The following LRRC4C variants were observed in gnomAD, a reference collection of about 807,000 sequenced individuals.
The protein encoded by LRRC4C is leucine-rich repeat-containing protein 4C.
A neutral mutation model predicts 33.6 loss-of-function variants in LRRC4C; 5 were observed. That is an observed-to-expected ratio of 0.15 (90% CI 0.08 to 0.31). LRRC4C has a LOEUF of 0.31. Among genes scored for constraint, LRRC4C ranks in the 10% least tolerant of loss-of-function variants. The probability of loss-of-function intolerance (pLI) is 1.00; values close to 1 mark genes in which losing one functional copy is unlikely to be tolerated. For synonymous variants in LRRC4C, 329 were observed against 302.0 expected, an observed-to-expected ratio of 1.09 and a Z score of -0.93; for missense variants, 560 against 796.7, an observed-to-expected ratio of 0.70 and a Z score of 3.58.
At chr11:40,546,454 A>C (rs1055669286) in intron 3 of LRRC4C, among the ~76,000 whole-genome samples, 1 of 152,094 alleles carries the variant, frequency 6.6e-6, no homozygotes, top group African/African-American at 2.4e-5. Flanking sequence ...CATTGGGATC[A>C]ATTTTACATG....
rs945379016 is a variant in LRRC4C at position 41,143,759 on chromosome 11, T to G, written c.-495-210036A>C. On this transcript the variant is annotated intron_variant, in intron 1 of 6. Transcript: ENST00000528697. ...TTTGGGGGCATGGGGCCATCATAAT[T>G]CCTTAAAAACTTTCCAAGTGTTTCA... Among the ~76,000 whole-genome samples, 4 of 152,128 alleles carry G rather than the reference T, an allele frequency of 2.6e-5. No homozygotes were observed. The East Asian group carries it at 7.7e-4, about 29-fold the overall frequency.
At chr11:41,290,707 C>T (rs1226843062) in intron 1 of LRRC4C, among the ~76,000 whole-genome samples, 16 of 152,106 alleles carry the variant, frequency 1.1e-4, no homozygotes, top group Admixed American at 1.0e-3. Flanking sequence ...CCTCATTCTA[C>T]CCTATTAGAT....
intron 2 of LRRC4C, among the ~76,000 whole-genome samples, chr11:40,831,064 A>G (rs1045369872): frequency 3.9e-5 from 6 of 152,158 alleles, no homozygotes; most frequent in African/African-American, 1.4e-4. Context: ...GAGGTCAGAT[A>G]TCACACAGTA....
chr11:40,978,154 G>A (rs993416720), intron 1 of LRRC4C, among the ~76,000 whole-genome samples: 2 of 152,006 alleles, frequency 1.3e-5, no homozygotes, highest in African/African-American at 4.8e-5. Context: ...TAGGCTCTCC[G>A]TTGATCTTCC....
At chr11:40,891,646 A>G (rs185415855) in intron 2 of LRRC4C, among the ~76,000 whole-genome samples, 1 of 152,340 alleles carries the variant, frequency 6.6e-6, no homozygotes, top group Non-Finnish European at 1.5e-5. Context: ...ACAGATATAT[A>G]AAAATGTGCT....
intron 2 of LRRC4C, among the ~76,000 whole-genome samples, chr11:40,926,000 T>C (rs190114852): frequency 6.6e-6 from 1 of 152,188 alleles, no homozygotes; most frequent in Non-Finnish European, 1.5e-5. Flanking sequence ...ATCCTAAGCT[T>C]TACTGTTAAC....
chr11:41,222,351 C>T (rs1314269218), intron 1 of LRRC4C, among the ~76,000 whole-genome samples: 1 of 152,134 alleles, frequency 6.6e-6, no homozygotes, highest in Admixed American at 6.5e-5. Context: ...ATACAGACAG[C>T]TGACACTTCC....
intron 2 of LRRC4C, among the ~76,000 whole-genome samples, chr11:40,866,945 G>A (rs771074736): frequency 4.6e-5 from 7 of 151,812 alleles, no homozygotes; most frequent in Non-Finnish European, 1.0e-4. Context: ...TGCTCCTTTT[G>A]TTCCTTCGTC....
At chr11:41,443,910 A>C (rs935653025) in intron 1 of LRRC4C, among the ~76,000 whole-genome samples, 2 of 151,290 alleles carry the variant, frequency 1.3e-5, no homozygotes, top group African/African-American at 4.9e-5. Flanking sequence ...GGTGCGAGCC[A>C]CTGCGCCCAG....
At chr11:40,559,797 G>C (rs1957475956) in intron 3 of LRRC4C, among the ~76,000 whole-genome samples, 2 of 151,992 alleles carry the variant, frequency 1.3e-5, no homozygotes, top group Admixed American at 1.3e-4. Flanking sequence ...TTGAGGTTTT[G>C]GTTTGCATTT....
At chr11:41,171,070 G>T (rs922657321) in intron 1 of LRRC4C, among the ~76,000 whole-genome samples, 1 of 151,994 alleles carries the variant, frequency 6.6e-6, no homozygotes, top group Non-Finnish European at 1.5e-5. Flanking sequence ...TCTCACACCA[G>T]TTAGAATGGT....
chr11:40,785,554 T>A (rs929819416), intron 2 of LRRC4C, among the ~76,000 whole-genome samples: 1 of 152,206 alleles, frequency 6.6e-6, no homozygotes, highest in Non-Finnish European at 1.5e-5. Context: ...CTTGTCACTG[T>A]ACAATTTAGA....
chr11:40,165,184 ATG>A (rs1859481853), intron 5 of LRRC4C, among the ~76,000 whole-genome samples: 1 of 152,172 alleles, frequency 6.6e-6, no homozygotes, highest in African/African-American at 2.4e-5. Context: ...GTGTTTGCAT[ATG>A]TCTGCACGTG....
intron 3 of LRRC4C, among the ~76,000 whole-genome samples, chr11:40,500,032 A>C (rs1340737809): frequency 6.6e-6 from 1 of 152,060 alleles, no homozygotes; most frequent in Admixed American, 6.6e-5. Context: ...AAATTCTGGG[A>C]ATTAGAATGG....
chr11:41,296,445 T>G (rs10742582), intron 1 of LRRC4C, among the ~76,000 whole-genome samples: 26,444 of 151,816 alleles, frequency 0.17, 2,880 homozygotes, highest in East Asian at 0.43. Flanking sequence ...CTCCTGAGTA[T>G]CTGGGATTAC....
chr11:40,327,595 CAGTT>C (rs1327059540), intron 3 of LRRC4C, among the ~76,000 whole-genome samples: 1 of 152,130 alleles, frequency 6.6e-6, no homozygotes, highest in East Asian at 1.9e-4. Flanking sequence ...CTGATTTAGT[CAGTT>C]AGTCAGTCCA....
At chr11:40,442,579 T>TAA (rs774410880) in intron 3 of LRRC4C, among the ~76,000 whole-genome samples, 1 of 152,186 alleles carries the variant, frequency 6.6e-6, no homozygotes, top group Non-Finnish European at 1.5e-5. Flanking sequence ...TGGGGAAAGT[T>TAA]ACAGTGAGAA....
intron 1 of LRRC4C, among the ~76,000 whole-genome samples, chr11:41,247,773 C>T (rs1474801638): frequency 6.6e-6 from 1 of 152,156 alleles, no homozygotes; most frequent in Non-Finnish European, 1.5e-5. Flanking sequence ...ATATGCTATC[C>T]GTGGCTGAGT....
intron 2 of LRRC4C, among the ~76,000 whole-genome samples, chr11:40,930,803 A>C (rs1957585819): frequency 6.6e-6 from 1 of 152,244 alleles, no homozygotes; most frequent in Admixed American, 6.5e-5. Context: ...GTTACATTCA[A>C]GACTTTTTAC....
Sources: allele counts gnomAD v4.1 joint callset (sites outside exome capture counted in the v4.1 genomes callset), GRCh38; gene constraint gnomAD v4.1.1; transcripts MANE v1.5; gene names NCBI Gene and HGNC (gene_info 2026-07-23, HGNC 2026-07-21).